Variants in TCF4 observed in about 807,000 individuals in gnomAD.
TCF4 encodes SL3-3 enhancer factor 2.
In TCF4, 3 loss-of-function variants were observed where a neutral mutation model predicts 82.1. That is an observed-to-expected ratio of 0.04 (90% confidence interval 0.02 to 0.09). The LOEUF (loss-of-function observed/expected upper bound fraction) is 0.09, where lower values mean the gene tolerates loss of function less well. TCF4 is among the 10% of genes least tolerant of loss of function. The probability of loss-of-function intolerance (pLI) is 1.00; values close to 1 mark genes in which losing one functional copy is unlikely to be tolerated. For synonymous variants in TCF4, 276 were observed against 309.6 expected (o/e 0.89, Z 1.14); for missense variants, 518 against 852.7 (o/e 0.61, Z 4.89).
At chr18:55,508,181 C>A (rs1251098387) in intron 3 of TCF4, among the ~76,000 whole-genome samples, 4 of 152,038 alleles carry the variant, frequency 2.6e-5, no homozygotes, top group Non-Finnish European at 5.9e-5. Flanking sequence ...GCAAATAACA[C>A]CTTATTATTT....
intron 8 of TCF4, among the ~76,000 whole-genome samples, chr18:55,310,630 G>A (rs1269013069): frequency 1.3e-5 from 2 of 152,230 alleles, no homozygotes; most frequent in African/African-American, 4.8e-5. Context: ...CCCCAGTTGT[G>A]AGGAGGTAAA....
chr18:55,269,991 C>T (rs1192361613), intron 10 of TCF4, 28 bp from the exon 11 acceptor site: 2 of 1,612,318 alleles, frequency 1.2e-6, no homozygotes, highest in East Asian at 4.5e-5. Flanking sequence ...AAAAGGTGGC[C>T]ATATTTAATC....
chr18:55,616,396 G>A (rs1474549152), intron 2 of TCF4, among the ~76,000 whole-genome samples: 1 of 151,998 alleles, frequency 6.6e-6, no homozygotes, highest in Non-Finnish European at 1.5e-5. Context: ...GTTTGGATGT[G>A]TTGGCTATGT....
chr18:55,374,457 A>C (rs1051638331), intron 6 of TCF4, among the ~76,000 whole-genome samples: 2 of 152,132 alleles, frequency 1.3e-5, no homozygotes, highest in Admixed American at 1.3e-4. Context: ...TAAATAGATA[A>C]GGAGTTTTTT....
At chr18:55,486,588 G>A (rs2096518710) in intron 3 of TCF4, among the ~76,000 whole-genome samples, 1 of 152,066 alleles carries the variant, frequency 6.6e-6, no homozygotes, top group African/African-American at 2.4e-5. Flanking sequence ...TGAGACTCTT[G>A]TATCAAAAAC....
rs112487824 is a variant in TCF4, at chr18:55,450,450, T to C, written c.304+10569A>G. Among the ~76,000 whole-genome samples the C allele has an allele frequency of 8.5e-3, 1,297 of 152,280 alleles. 8 individuals are homozygous for C. Among genetic ancestry groups the C allele is most frequent in the Non-Finnish European group, 0.014 (931 of 68,018 alleles). On this transcript the variant is annotated intron_variant, in intron 5 of 19. Transcript: ENST00000354452. ...AATTTAATTTAATCTCAACCTATGC[T>C]CCATATATTTTGCAATTGTTAGTTC...
intron 3 of TCF4, among the ~76,000 whole-genome samples, chr18:55,540,307 TCAAAA>T (rs2099884601): frequency 6.6e-6 from 1 of 151,964 alleles, no homozygotes; most frequent in Non-Finnish European, 1.5e-5. Context: ...AGGGAATATC[TCAAAA>T]CAAAAAAAAC....
intron 17 of TCF4, chr18:55,231,468 G>A (rs1464385850): frequency 6.6e-6 from 1 of 152,186 alleles, no homozygotes; most frequent in Non-Finnish European, 1.5e-5. Flanking sequence ...AAATAAGAAG[G>A]TTCTCAACAG....
chr18:55,481,641 ACTC>A (rs1211446110), intron 3 of TCF4, among the ~76,000 whole-genome samples: 2 of 151,906 alleles, frequency 1.3e-5, no homozygotes, highest in African/African-American at 4.8e-5. Context: ...TTCAGGCAGT[ACTC>A]CTCCCAAAAC....
At chr18:55,351,704 T>A (rs1213309892) in intron 6 of TCF4, 4 of 372,734 alleles carry the variant, frequency 1.1e-5, no homozygotes, top group African/African-American at 6.6e-5. Flanking sequence ...CAATAACCTA[T>A]CACAGTGTGA....
At chr18:55,403,789 A>T in intron 5 of TCF4, 1 of 1,519,736 alleles carries the variant, frequency 6.6e-7, no homozygotes, top group Non-Finnish European at 8.8e-7. Context: ...CTAACAAACA[A>T]ATCGTAACTC....
intron 8 of TCF4, among the ~76,000 whole-genome samples, chr18:55,311,354 G>T (rs929932228): frequency 6.6e-6 from 1 of 152,132 alleles, no homozygotes; most frequent in African/African-American, 2.4e-5. Context: ...TGTCTTGCAC[G>T]CTGTTAAGAT....
intron 17 of TCF4, chr18:55,230,593 G>A (rs2047655581): frequency 6.6e-6 from 1 of 152,156 alleles, no homozygotes; most frequent in African/African-American, 2.4e-5. Context: ...CCATGGAAGT[G>A]ACTAACAATT....
intron 5 of TCF4, among the ~76,000 whole-genome samples, chr18:55,428,381 A>G (rs1406268569): frequency 2.0e-5 from 3 of 152,138 alleles, no homozygotes; most frequent in Non-Finnish European, 4.4e-5. Flanking sequence ...ATCTCATACC[A>G]TCAACTGGCA....
In TCF4 at chr18:55,606,023, T is replaced by C. The variant is rs373541510; in HGVS notation, c.287-18887A>G. 3.2e-4 allele frequency among the ~76,000 whole-genome samples: 48 copies of C among 152,370 alleles called. No individual in the cohort carries two copies. In the Middle Eastern group the frequency reaches 0.014, roughly 43 times the overall value. ...TCCGGGGTGGGCCCAGCAATCTATT[T>C]AACAAGTCCTCGTGGTGCTTCTGAT... On this transcript the variant is annotated intron_variant, in intron 2 of 20. Transcript: ENST00000398339.
chr18:55,504,261 AAG>A (rs2096730560), intron 3 of TCF4, among the ~76,000 whole-genome samples: 1 of 152,200 alleles, frequency 6.6e-6, no homozygotes, highest in African/African-American at 2.4e-5. Flanking sequence ...CATGGGAGAA[AAG>A]AGAACTCACA....
intron 5 of TCF4, among the ~76,000 whole-genome samples, chr18:55,415,423 A>C (rs954061789): frequency 1.3e-5 from 2 of 152,300 alleles, no homozygotes; most frequent in African/African-American, 2.4e-5. Flanking sequence ...AAAGAAAGAA[A>C]GAACCTCACA....
chr18:55,619,165 G>A (rs1003839046), intron 2 of TCF4, among the ~76,000 whole-genome samples: 4 of 151,898 alleles, frequency 2.6e-5, no homozygotes, highest in East Asian at 1.9e-4. Flanking sequence ...GTTTGTTTTG[G>A]TGGTGAGATT....
intron 8 of TCF4, among the ~76,000 whole-genome samples, chr18:55,318,096 T>C (rs2074591565): frequency 6.6e-6 from 1 of 152,158 alleles, no homozygotes. Flanking sequence ...GAGCTGATGA[T>C]GTGATCTTCA....
Sources: allele counts gnomAD v4.1 joint callset (sites outside exome capture counted in the v4.1 genomes callset), GRCh38; gene constraint gnomAD v4.1.1; transcripts MANE v1.5; gene names NCBI Gene and HGNC (gene_info 2026-07-23, HGNC 2026-07-21).